The following EXD2 variants were observed in gnomAD, a reference collection of about 807,000 sequenced individuals.
EXD2 encodes the protein exonuclease 3'-5' domain-containing protein 2.
In EXD2, 40 loss-of-function variants were observed where a neutral mutation model predicts 62.5. The ratio of observed to expected loss-of-function variants is 0.64; its 90% CI spans 0.50 to 0.83. The LOEUF (loss-of-function observed/expected upper bound fraction) is 0.83, where lower values mean the gene tolerates loss of function less well. EXD2 is among the 40% of genes least tolerant of loss of function. The probability of loss-of-function intolerance (pLI) is 0.00; values close to 1 mark genes in which losing one functional copy is unlikely to be tolerated. For missense variants in EXD2, 671 were observed against 761.8 expected (o/e 0.88, Z 1.40); for synonymous variants, 239 against 291.9 (o/e 0.82, Z 1.85).
chr14:69,205,415 T>G (rs2042557559), intron 2 of EXD2, among the ~76,000 whole-genome samples: 1 of 152,174 alleles, frequency 6.6e-6, no homozygotes, highest in Non-Finnish European at 1.5e-5. Flanking sequence ...ATTTTTTTCT[T>G]CAATTCATTA....
chr14:69,214,604 A>G (rs1445723584), intron 3 of EXD2, among the ~76,000 whole-genome samples: 3 of 152,160 alleles, frequency 2.0e-5, no homozygotes, highest in Non-Finnish European at 2.9e-5. Flanking sequence ...GTGTAACTAG[A>G]AACTAGGTCA....
intron 1 of EXD2, chr14:69,196,301 G>A (rs2042201578): frequency 1.3e-5 from 2 of 152,206 alleles, no homozygotes; most frequent in African/African-American, 4.8e-5. Flanking sequence ...TTTCAAATAA[G>A]GTCACATTCA....
intron 9 of EXD2, chr14:69,239,186 A>T (rs181594369): frequency 6.6e-6 from 1 of 152,228 alleles, no homozygotes; most frequent in Non-Finnish European, 1.5e-5. Flanking sequence ...CCATGAGTAC[A>T]TAGTTGAATT....
chr14:69,230,685 A>G (rs373465516), intron 5 of EXD2, 87 bp downstream of exon 5: 17 of 1,455,400 alleles, frequency 1.2e-5, no homozygotes, highest in Admixed American at 1.1e-4. Flanking sequence ...CAAATATAGT[A>G]TAAGTATTGG....
In EXD2 at chr14:69,234,927, A is replaced by G. The variant is rs1247136763; in HGVS notation, c.945A>G (p.Pro315=). The change falls in exon 6 of 10, where the codon CCA becomes CCG. Residue 315 remains proline, a synonymous_variant. Coordinates refer to ENST00000685843, the MANE Select transcript of EXD2 (RefSeq NM_001193360.2). The stretch of plus-strand genomic sequence containing the variant: ...AAGCAACAGAATCTCAGCAGAAGCC[A>G]AGAAATAAGAAGTCTAAGATGGATG... ...NGEATESQQK[P]RNKKSKMDGM... is the part of the protein sequence containing the mutation. 6.2e-7 allele frequency: 1 copy of G among 1,613,986 alleles called. No homozygotes were observed. The highest frequency in any genetic ancestry group is 1.3e-5 in the African/African-American group (1 of 74,940).
chr14:69,205,331 G>C (rs533987631), intron 2 of EXD2, among the ~76,000 whole-genome samples: 5 of 152,050 alleles, frequency 3.3e-5, no homozygotes, highest in African/African-American at 1.2e-4. Flanking sequence ...GATTACAGGC[G>C]TGAGACACCA....
chr14:69,233,059 T>C (rs1732066739), intron 5 of EXD2, among the ~76,000 whole-genome samples: 1 of 152,234 alleles, frequency 6.6e-6, no homozygotes, highest in African/African-American at 2.4e-5. Flanking sequence ...TTTGTGTGTC[T>C]TGTGAGGTAG....
At chr14:69,233,424 A>AT (rs1302009792) in intron 5 of EXD2, among the ~76,000 whole-genome samples, 5 of 151,162 alleles carry the variant, frequency 3.3e-5, no homozygotes, top group Non-Finnish European at 7.4e-5. Flanking sequence ...ATTTAATTTA[A>AT]TTAATTTATT....
chr14:69,210,698 A>G (rs2042776970), intron 3 of EXD2, among the ~76,000 whole-genome samples: 1 of 151,944 alleles, frequency 6.6e-6, no homozygotes, highest in Non-Finnish European at 1.5e-5. Flanking sequence ...TAGTCCCAGC[A>G]ACTTGGGAGG....
rs1462187044 is a variant in EXD2, at chr14:69,241,048, A to G, written c.1814A>G (p.His605Arg). Residue 605 changes from histidine (H) to arginine (R), a missense_variant, in exon 10 of 10, where the codon CAT becomes CGT. His to Arg is a conservative substitution (Grantham distance 29, BLOSUM62 0). Transcript: ENST00000685843. Reference sequence around the variant, plus strand: ...CAGCAGTGGTCAGTGGACCACAACCATCAGAAGCTGCTCCGGAAATTCGGG... The same window carrying G: ...CAGCAGTGGTCAGTGGACCACAACCGTCAGAAGCTGCTCCGGAAATTCGGG... ...LPQQWSVDHN[H>R]QKLLRKFGED... 1.9e-6 allele frequency: 3 copies of G among 1,612,776 alleles called. No individual in the cohort carries two copies. The highest frequency in any genetic ancestry group is 2.5e-6 in the Non-Finnish European group (3 of 1,180,046).
intron 3 of EXD2, among the ~76,000 whole-genome samples, chr14:69,221,948 C>T (rs1373870564): frequency 1.5e-5 from 2 of 137,878 alleles, no homozygotes; most frequent in African/African-American, 2.7e-5. Context: ...ATTAGCCAGG[C>T]GTGGTGGTGC....
Position 69,236,466 on chromosome 14 carries a change from G to C in EXD2, c.1216G>C (p.Glu406Gln). ...KLRFEPAGRP[E>Q]SPGDYYLMVK... is the part of the protein sequence containing the mutation. Reference sequence around the variant, plus strand: ...ACGGTTTGAACCTGCAGGAAGGCCCGAATCTCCTGGAGACTATTACTTGAT... The same window carrying C: ...ACGGTTTGAACCTGCAGGAAGGCCCCAATCTCCTGGAGACTATTACTTGAT... Residue 406 changes from glutamate (E) to glutamine (Q), a missense_variant, in exon 8 of 10, where the codon GAA becomes CAA. Transcript: ENST00000685843. 1 of 1,614,140 alleles carries C rather than the reference G, an allele frequency of 6.2e-7. No individual in the cohort carries two copies. Among genetic ancestry groups the C allele is most frequent in the Non-Finnish European group, 8.5e-7 (1 of 1,180,018 alleles).
At chr14:69,201,927 C>T (rs917994254) in intron 1 of EXD2, among the ~76,000 whole-genome samples, 10 of 151,956 alleles carry the variant, frequency 6.6e-5, no homozygotes, top group Non-Finnish European at 1.5e-4. Context: ...GGTATTCCAC[C>T]TGCCTCGGCC....
intron 8 of EXD2, among the ~76,000 whole-genome samples, chr14:69,237,176 A>G (rs2043823837): frequency 6.6e-6 from 1 of 152,230 alleles, no homozygotes; most frequent in Non-Finnish European, 1.5e-5. Flanking sequence ...TATTCCTCAG[A>G]TGAAGGAAAT....
intron 1 of EXD2, among the ~76,000 whole-genome samples, chr14:69,203,596 CTT>C (rs1258946049): frequency 1.3e-5 from 2 of 152,174 alleles, no homozygotes; most frequent in African/African-American, 2.4e-5. Flanking sequence ...AAGCAGGAAA[CTT>C]TTATAGAACG....
At chr14:69,202,637 G>GA (rs796417588) in intron 1 of EXD2, among the ~76,000 whole-genome samples, 115 of 150,348 alleles carry the variant, frequency 7.6e-4, no homozygotes, top group African/African-American at 2.5e-3. Flanking sequence ...GGCTGGAAAA[G>GA]AAAAAAAAAT....
intron 3 of EXD2, among the ~76,000 whole-genome samples, chr14:69,213,084 C>CTTTT (rs71102636): frequency 1.2e-4 from 15 of 126,598 alleles, no homozygotes; most frequent in East Asian, 4.6e-4. Context: ...TTCTTCTTTT[C>CTTTT]TTTTTTTTTT....
intron 3 of EXD2, chr14:69,227,884 G>A (rs993532874): frequency 6.6e-6 from 1 of 151,898 alleles, no homozygotes; most frequent in Non-Finnish European, 1.5e-5. Context: ...AAAGTTTTTT[G>A]TATCTTTTAA....
intron 9 of EXD2, among the ~76,000 whole-genome samples, 169 bp downstream of exon 9, chr14:69,238,100 T>C (rs902883939): frequency 1.3e-5 from 2 of 152,216 alleles, no homozygotes; most frequent in Non-Finnish European, 2.9e-5. Flanking sequence ...AATAGAACAA[T>C]CTACTTGAGG....
Sources: allele counts gnomAD v4.1 joint callset (sites outside exome capture counted in the v4.1 genomes callset), GRCh38; gene constraint gnomAD v4.1.1; transcripts MANE v1.5; gene names NCBI Gene and HGNC (gene_info 2026-07-23, HGNC 2026-07-21).